The following SLC41A2 variants were observed in gnomAD, a reference collection of about 807,000 sequenced individuals.
The protein encoded by SLC41A2 is SLC41A1-like 1.
SLC41A2 carries 32 observed loss-of-function variants against 58.3 expected under a neutral mutation model. That is an observed-to-expected ratio of 0.55 (90% CI 0.41 to 0.74). The LOEUF is 0.74. Ranked by LOEUF, SLC41A2 falls within the 30% of genes least tolerant of loss-of-function variation. The pLI, the probability that SLC41A2 is intolerant of heterozygous loss-of-function variation, is 0.00. For missense variants in SLC41A2, 514 were observed against 680.6 expected (o/e 0.76, Z 2.72); for synonymous variants, 190 against 235.0 (o/e 0.81, Z 1.75).
intron 8 of SLC41A2, among the ~76,000 whole-genome samples, chr12:104,847,439 T>A (rs2042641165): frequency 6.6e-6 from 1 of 150,684 alleles, no homozygotes; most frequent in African/African-American, 2.4e-5. Context: ...CCGTCTCTAC[T>A]AAAAAAAATA....
At chr12:104,875,504 A>T (rs2044000158) in intron 6 of SLC41A2, among the ~76,000 whole-genome samples, 1 of 152,158 alleles carries the variant, frequency 6.6e-6, no homozygotes, top group South Asian at 2.1e-4. Flanking sequence ...TTATAAAATG[A>T]GTCTGGGCTG....
Position 104,951,317 on chromosome 12 carries a change from T to C in SLC41A2, c.-168+6771A>G, listed in dbSNP as rs567164284. Among the ~76,000 whole-genome samples, 13 of 152,318 alleles carry C rather than the reference T, an allele frequency of 8.5e-5. No homozygotes were observed. The South Asian group carries it at 2.5e-3, about 29-fold the overall frequency. ...ACTTAAATTAAGACTCTGTGGAATA[T>C]AAAAAGATAAAATTCTCTGAGTGCT... On this transcript the variant is annotated intron_variant, in intron 1 of 10. Transcript: ENST00000258538.
At chr12:104,882,104 T>G (rs1363633452) in intron 6 of SLC41A2, among the ~76,000 whole-genome samples, 1 of 152,206 alleles carries the variant, frequency 6.6e-6, no homozygotes, top group Non-Finnish European at 1.5e-5. Context: ...TTTGTTGGTT[T>G]AAAGTCTGTT....
At chr12:104,863,804 CCA>C (rs2043301661) in intron 7 of SLC41A2, among the ~76,000 whole-genome samples, 3 of 152,152 alleles carry the variant, frequency 2.0e-5, no homozygotes, top group Admixed American at 1.3e-4. Context: ...CATAGCTGAG[CCA>C]CAGAGTGTAT....
At chr12:104,916,861 C>A (rs2046345477) in intron 2 of SLC41A2, among the ~76,000 whole-genome samples, 2 of 151,636 alleles carry the variant, frequency 1.3e-5, no homozygotes, top group South Asian at 2.1e-4. Flanking sequence ...GACCTAAAAC[C>A]ATAAAAACCC....
In SLC41A2 at chr12:104,904,766, G is replaced by T. The variant is rs913001105; in HGVS notation, c.663+4889C>A. Among the ~76,000 whole-genome samples, 8 of 151,836 alleles carry T rather than the reference G, an allele frequency of 5.3e-5. No individual in the cohort carries two copies. The South Asian group carries it at 6.3e-4, about 12-fold the overall frequency. ...TAAGGCATCGCGTCTGGAGTTGTTC[G>T]TTCCTCCTGGTGGGCTCGTGGTCTC... On this transcript the variant is annotated intron_variant, in intron 3 of 10. Transcript: ENST00000258538.
At chr12:104,953,087 C>T (rs2048017312) in intron 1 of SLC41A2, among the ~76,000 whole-genome samples, 1 of 152,194 alleles carries the variant, frequency 6.6e-6, no homozygotes, top group Admixed American at 6.5e-5. Context: ...ATCCCAAAGC[C>T]TAGCCCAGTG....
At chr12:104,874,320 C>T (rs1382867633) in intron 6 of SLC41A2, among the ~76,000 whole-genome samples, 6 of 152,100 alleles carry the variant, frequency 3.9e-5, no homozygotes, top group Non-Finnish European at 2.9e-5. Flanking sequence ...GTGATCCACC[C>T]GCCTCGGCCT....
intron 3 of SLC41A2, among the ~76,000 whole-genome samples, chr12:104,905,138 G>A (rs1420960877): frequency 1.3e-5 from 2 of 151,858 alleles, no homozygotes; most frequent in Non-Finnish European, 2.9e-5. Flanking sequence ...GTTCTCCAAG[G>A]CCCCACCAGA....
intron 2 of SLC41A2, among the ~76,000 whole-genome samples, chr12:104,916,114 T>C (rs2046307528): frequency 6.6e-6 from 1 of 152,328 alleles, no homozygotes; most frequent in Admixed American, 6.5e-5. Flanking sequence ...ATCCCAGGGA[T>C]GAAGCCCACT....
chr12:104,814,677 T>G (rs2041317484), intron 10 of SLC41A2, among the ~76,000 whole-genome samples: 2 of 152,138 alleles, frequency 1.3e-5, no homozygotes, highest in Admixed American at 1.3e-4. Context: ...GATGGACTGA[T>G]TGCCAAAATT....
intron 1 of SLC41A2, among the ~76,000 whole-genome samples, chr12:104,956,553 C>A (rs1000157100): frequency 1.3e-4 from 20 of 152,224 alleles, no homozygotes; most frequent in Middle Eastern, 6.8e-3. Context: ...GTGGTGTGTG[C>A]CTGTAGTCCC....
chr12:104,920,333 G>T (rs1362217399), intron 2 of SLC41A2, among the ~76,000 whole-genome samples: 2 of 151,962 alleles, frequency 1.3e-5, no homozygotes, highest in Non-Finnish European at 2.9e-5. Context: ...AAAAAGTCTT[G>T]CTGGAATTTA....
At chr12:104,918,144 A>G (rs1273362912) in intron 2 of SLC41A2, among the ~76,000 whole-genome samples, 1 of 151,940 alleles carries the variant, frequency 6.6e-6, no homozygotes, top group East Asian at 1.9e-4. Context: ...AAGTTGGAAA[A>G]TACACTTTTG....
intron 10 of SLC41A2, among the ~76,000 whole-genome samples, chr12:104,825,811 T>G (rs1004735731): frequency 6.6e-6 from 1 of 152,202 alleles, no homozygotes; most frequent in Non-Finnish European, 1.5e-5. Flanking sequence ...TCCTGCCAAC[T>G]GAAACCCACC....
chr12:104,879,029 A>G, intron 6 of SLC41A2, among the ~76,000 whole-genome samples: 1 of 152,102 alleles, frequency 6.6e-6, no homozygotes, highest in South Asian at 2.1e-4. Flanking sequence ...ATGGTATCTC[A>G]TTGTGGTTTT....
At chr12:104,905,177 CA>C (rs1220708608) in intron 3 of SLC41A2, among the ~76,000 whole-genome samples, 9 of 152,134 alleles carry the variant, frequency 5.9e-5, no homozygotes, top group Non-Finnish European at 1.2e-4. Context: ...TCGATTGGTG[CA>C]CTCACAAACC....
chr12:104,912,104 T>G (rs1045679706), intron 2 of SLC41A2, among the ~76,000 whole-genome samples: 1 of 152,224 alleles, frequency 6.6e-6, no homozygotes, highest in African/African-American at 2.4e-5. Context: ...TTTTATCAGA[T>G]CCCGGATATA....
At chr12:104,820,914 G>A (rs535646738) in intron 10 of SLC41A2, among the ~76,000 whole-genome samples, 6 of 152,220 alleles carry the variant, frequency 3.9e-5, no homozygotes, top group African/African-American at 1.4e-4. Flanking sequence ...CAAAGTGCTG[G>A]GATTACAGGC....
Sources: allele counts gnomAD v4.1 joint callset (sites outside exome capture counted in the v4.1 genomes callset), GRCh38; gene constraint gnomAD v4.1.1; transcripts MANE v1.5; gene names NCBI Gene and HGNC (gene_info 2026-07-23, HGNC 2026-07-21).